The following ZNF618 variants were observed in gnomAD, a reference collection of about 807,000 sequenced individuals.
ZNF618 encodes the protein neural precursor cell expressed, developmentally down-regulated 10.
Under a neutral mutation model 103.0 loss-of-function variants are expected in ZNF618, and 34 were observed. The observed-to-expected ratio is 0.33, with a 90% CI of 0.25 to 0.44. The LOEUF is 0.44. Ranked by LOEUF, ZNF618 falls within the 20% of genes least tolerant of loss-of-function variation. The probability of loss-of-function intolerance (pLI) is 1.00; values close to 1 mark genes in which losing one functional copy is unlikely to be tolerated. For synonymous variants in ZNF618, 551 were observed against 542.2 expected (o/e 1.02, Z -0.23); for missense variants, 1,059 against 1,295.4 (o/e 0.82, Z 2.80).
intron 1 of ZNF618, among the ~76,000 whole-genome samples, chr9:113,930,452 TA>T (rs778574872): frequency 6.6e-6 from 1 of 152,146 alleles, no homozygotes; most frequent in Non-Finnish European, 1.5e-5. Context: ...AGGGGGCGCC[TA>T]TTTTTTTTTA....
At chr9:114,009,367 A>G (rs767722560) in intron 9 of ZNF618, among the ~76,000 whole-genome samples, 11 of 152,184 alleles carry the variant, frequency 7.2e-5, no homozygotes, top group Non-Finnish European at 8.8e-5. Flanking sequence ...GGTCTTACAG[A>G]GCCTTGAATG....
intron 3 of ZNF618, among the ~76,000 whole-genome samples, chr9:113,997,060 CTT>C (rs756563358): frequency 8.3e-5 from 11 of 132,546 alleles, no homozygotes; most frequent in Non-Finnish European, 1.2e-4. Flanking sequence ...CTCTCTCTTT[CTT>C]TTTTTTTTCT....
intron 10 of ZNF618, among the ~76,000 whole-genome samples, chr9:114,017,482 A>G (rs1842741072): frequency 6.6e-6 from 1 of 151,970 alleles, no homozygotes; most frequent in African/African-American, 2.4e-5. Flanking sequence ...CCTTTTCTGG[A>G]TATTTGAGGG....
chr9:113,907,530 C>T (rs1485975520), intron 1 of ZNF618, among the ~76,000 whole-genome samples: 1 of 152,206 alleles, frequency 6.6e-6, no homozygotes, highest in Non-Finnish European at 1.5e-5. Context: ...ATCTTGTTCC[C>T]TTTTGCTGAA....
intron 1 of ZNF618, among the ~76,000 whole-genome samples, chr9:113,911,646 A>G (rs1831560110): frequency 6.6e-6 from 1 of 151,930 alleles, no homozygotes; most frequent in African/African-American, 2.4e-5. Context: ...TTTTTTCTTT[A>G]CTAATAGGTG....
At chr9:113,936,879 T>C (rs895171190) in intron 1 of ZNF618, among the ~76,000 whole-genome samples, 1 of 152,236 alleles carries the variant, frequency 6.6e-6, no homozygotes, top group African/African-American at 2.4e-5. Context: ...GTGTGTTTTT[T>C]CCAAGTGTCT....
intron 9 of ZNF618, chr9:114,016,216 C>T (rs1842635381): frequency 1.9e-6 from 3 of 1,570,204 alleles, no homozygotes; most frequent in Non-Finnish European, 2.6e-6. Context: ...GAAGTGACCC[C>T]TGCTGCTAGT....
chr9:114,020,241 T>A (rs959721934), intron 10 of ZNF618, among the ~76,000 whole-genome samples: 4 of 152,200 alleles, frequency 2.6e-5, no homozygotes, highest in African/African-American at 9.6e-5. Flanking sequence ...AAGTCTCAAA[T>A]CAGCTGCTCT....
At chr9:113,940,263 GT>G (rs1227684109) in intron 1 of ZNF618, among the ~76,000 whole-genome samples, 1 of 151,678 alleles carries the variant, frequency 6.6e-6, no homozygotes, top group Admixed American at 6.6e-5. Flanking sequence ...GGTTATTGAG[GT>G]TTTTTTTGTG....
intron 1 of ZNF618, among the ~76,000 whole-genome samples, chr9:113,930,515 C>T (rs1450263900): frequency 6.6e-6 from 1 of 152,022 alleles, no homozygotes; most frequent in African/African-American, 2.4e-5. Flanking sequence ...AAATTATTGC[C>T]ATTTTAGGCA....
intron 2 of ZNF618, among the ~76,000 whole-genome samples, chr9:113,985,134 G>T (rs947697496): frequency 6.6e-6 from 1 of 152,242 alleles, no homozygotes; most frequent in Non-Finnish European, 1.5e-5. Flanking sequence ...ACAGCACTGT[G>T]GGGTAGGTAC....
intron 1 of ZNF618, among the ~76,000 whole-genome samples, chr9:113,884,796 G>C: frequency 6.6e-6 from 1 of 151,850 alleles, no homozygotes; most frequent in African/African-American, 2.4e-5. Context: ...GAGAGAGAGA[G>C]AGAGAGAGAG....
At chr9:113,993,128 G>A (rs1269907288) in intron 3 of ZNF618, among the ~76,000 whole-genome samples, 1 of 152,200 alleles carries the variant, frequency 6.6e-6, no homozygotes, top group East Asian at 1.9e-4. Context: ...GAACAGCTCT[G>A]TACAGCAGCC....
intron 1 of ZNF618, among the ~76,000 whole-genome samples, chr9:113,941,022 C>T (rs886088935): frequency 2.0e-5 from 3 of 151,740 alleles, no homozygotes; most frequent in Non-Finnish European, 2.9e-5. Context: ...TTTCTTTATT[C>T]CCCTCTTTTC....
At chr9:113,948,765 G>A (rs1588124566) in intron 1 of ZNF618, among the ~76,000 whole-genome samples, 1 of 152,214 alleles carries the variant, frequency 6.6e-6, no homozygotes, top group Non-Finnish European at 1.5e-5. Context: ...AGTCCCTGAT[G>A]TTGTGGTGGT....
chr9:113,969,781 T>G lies in ZNF618; in HGVS notation c.77+621T>G, dbSNP rs572514445. Among the ~76,000 whole-genome samples, 65 of 152,344 alleles carry G rather than the reference T, an allele frequency of 4.3e-4. 1 individual carries two copies. Among genetic ancestry groups the G allele is most frequent in the African/African-American group, 1.2e-3 (48 of 41,568 alleles). On this transcript the variant is annotated intron_variant, in intron 2 of 14. Coordinates refer to ENST00000374126, the MANE Select transcript of ZNF618 (RefSeq NM_001318042.2). ...TACTTGGTAATGTTAACACCCATGC[T>G]GCCGCTGCTGTTGCTGCTGTTACGT...
chr9:113,985,949 A>G (rs891572700), intron 2 of ZNF618, among the ~76,000 whole-genome samples: 1 of 152,220 alleles, frequency 6.6e-6, no homozygotes, highest in Non-Finnish European at 1.5e-5. Flanking sequence ...TAAATTAAGG[A>G]AATGAATTCT....
In ZNF618 at chr9:114,002,117, C is replaced by G. The variant is rs771694120; in HGVS notation, c.511+44C>G. The G allele has an allele frequency of 8.3e-6, 13 of 1,564,822 alleles. No individual in the cohort carries two copies. The African/African-American group carries it at 1.6e-4, about 19-fold the overall frequency. On this transcript the variant is annotated intron_variant, in intron 5 of 14. Coordinates refer to ENST00000374126, the MANE Select transcript of ZNF618 (RefSeq NM_001318042.2). ...GGGCAGAGCCCAGGGGCCGCACCTC[C>G]CACTGTCTGCCTGTTTCCCACTTGG...
At chr9:113,951,423 G>GTGTGTATATATATACACACACACATATA (rs1564206789) in intron 1 of ZNF618, among the ~76,000 whole-genome samples, 7 of 4,472 alleles carry the variant, frequency 1.6e-3, no homozygotes, top group South Asian at 0.012. Context: ...ACACATATAT[G>GTGTGTATATATATACACACACACATATA]TGTGTGTGTA....
Sources: allele counts gnomAD v4.1 joint callset (sites outside exome capture counted in the v4.1 genomes callset), GRCh38; gene constraint gnomAD v4.1.1; transcripts MANE v1.5; gene names NCBI Gene and HGNC (gene_info 2026-07-23, HGNC 2026-07-21).